Variants in NADK2 observed in about 807,000 individuals in gnomAD.
The protein encoded by NADK2 is NAD kinase 2, mitochondrial, also known as NAD kinase domain-containing protein 1, mitochondrial.
In NADK2, 35 loss-of-function variants were observed where a neutral mutation model predicts 62.1. That is an observed-to-expected ratio of 0.56 (90% CI 0.43 to 0.75). The LOEUF is 0.75. Ranked by LOEUF, NADK2 falls within the 30% of genes least tolerant of loss-of-function variation. The pLI is 0.00. For missense variants in NADK2, 439 were observed against 561.3 expected (o/e 0.78, Z 2.20); for synonymous variants, 205 against 207.9 (o/e 0.99, Z 0.12).
intron 4 of NADK2, among the ~76,000 whole-genome samples, chr5:36,222,693 G>C (rs1438410299): frequency 6.6e-6 from 1 of 152,192 alleles, no homozygotes; most frequent in Non-Finnish European, 1.5e-5. Flanking sequence ...AATGTGTAAA[G>C]GATGAGTTAG....
At position 36,241,706 on chromosome 5, in the gene NADK2, G is replaced by T. The variant is rs1748136420; in HGVS notation, c.93C>A (p.Pro31=). The T allele has an allele frequency of 1.8e-6, 2 of 1,133,580 alleles. No homozygotes were observed. The highest frequency in any genetic ancestry group is 5.0e-5 in the Admixed American group (1 of 20,172). The allele number at this position is 1,133,580 out of a possible 1,614,324, so 70.2% of individuals were successfully genotyped here. A position where few individuals can be genotyped will look rare whatever the true frequency, so the allele number is the denominator to read the frequency against. The change falls in exon 1 of 12, where the codon CCC becomes CCA. Residue 31 remains proline (P), a synonymous_variant. Coordinates refer to ENST00000381937, the MANE Select transcript of NADK2 (RefSeq NM_001085411.3). The surrounding 1 kb of genome is among the most constrained non-coding windows in gnomAD (Gnocchi z 4.9). ...CACCGCCCAGCCGGGGCCGCGCGGCGGGGCCTCCCGCACCCGGTCCCCGCA... is the reference window on the plus strand; with the variant it reads ...CACCGCCCAGCCGGGGCCGCGCGGCTGGGCCTCCCGCACCCGGTCCCCGCA... ...AALRGPGAGG[P]AARPRLGGDG... is the part of the protein sequence containing the mutation.
At chr5:36,234,184 C>T (rs1000132333) in intron 1 of NADK2, among the ~76,000 whole-genome samples, 3 of 151,528 alleles carry the variant, frequency 2.0e-5, no homozygotes, top group East Asian at 3.9e-4. Context: ...ACCATCCTGG[C>T]TAACACGGTG....
rs1380587885 is a variant in NADK2, at chr5:36,241,790, G to C, written c.9C>G (p.Cys3Trp). ...AGCTGCCCAGCAAGAAGCCTCGGTA[G>C]CAAGTCATCGTGGGCCGGGCCGCGG... MT[C>W]YRGFLLGSCC... Residue 3 changes from cysteine to tryptophan, a missense_variant, in exon 1 of 12, where the codon TGC (cysteine) becomes TGG (tryptophan). Physicochemically the swap from Cys to Trp is radical, Grantham distance 215. Transcript: ENST00000381937. The surrounding 1 kb of genome is among the most constrained non-coding windows in gnomAD (Gnocchi z 4.9). 1.5e-6 allele frequency: 2 copies of C among 1,339,294 alleles called. No homozygotes were observed. Among genetic ancestry groups the C allele is most frequent in the South Asian group, 1.7e-5 (1 of 58,840 alleles). 83.0% of individuals were successfully genotyped at this position (1,339,294 alleles called of 1,614,324 possible).
At chr5:36,215,831 T>C (rs997535833) in intron 6 of NADK2, among the ~76,000 whole-genome samples, 1 of 152,178 alleles carries the variant, frequency 6.6e-6, no homozygotes, top group Non-Finnish European at 1.5e-5. Flanking sequence ...ACATTTTCCA[T>C]ATTCATTTAT....
Position 36,241,810 on chromosome 5 carries a change from C to A in NADK2, c.-12G>T. ...CGGTAGCAAGTCATCGTGGGCCGGG[C>A]CGCGGCCGCGGGCTTGGGCTCGGGC... is the stretch of plus-strand genomic sequence containing the variant. On this transcript the variant is annotated 5_prime_UTR_variant, in exon 1 of 12. Coordinates refer to ENST00000381937, the MANE Select transcript of NADK2 (RefSeq NM_001085411.3). This position sits in a 1 kb window ranked among gnomAD's most constrained non-coding sequence, Gnocchi z 4.9. The A allele has an allele frequency of 7.6e-7, 1 of 1,309,622 alleles. No individual in the cohort carries two copies. The highest frequency in any genetic ancestry group is 9.7e-7 in the Non-Finnish European group (1 of 1,030,360). 81.1% of individuals were successfully genotyped at this position (1,309,622 alleles called of 1,614,324 possible). A position where few individuals can be genotyped will look rare whatever the true frequency, so the allele number is the denominator to read the frequency against.
At chr5:36,219,360 G>A (rs1747166125) in intron 5 of NADK2, among the ~76,000 whole-genome samples, 2 of 152,082 alleles carry the variant, frequency 1.3e-5, no homozygotes, top group South Asian at 4.1e-4. Context: ...ACAGGTGCTT[G>A]CCACCATGCC....
intron 3 of NADK2, 73 bp from the exon 4 acceptor site, chr5:36,225,696 A>G: frequency 7.0e-7 from 1 of 1,419,306 alleles, no homozygotes. Context: ...CCATTTTGAA[A>G]ATCAGTAGTT....
chr5:36,215,219 T>C (rs1746997990), intron 6 of NADK2, among the ~76,000 whole-genome samples: 1 of 152,128 alleles, frequency 6.6e-6, no homozygotes, highest in South Asian at 2.1e-4. Flanking sequence ...TGTAGAACAT[T>C]TTACCATTAA....
rs1459003581 is a variant in NADK2 at position 36,205,887 on chromosome 5, C to T, written c.956+1283G>A. ...TATTCACAATAGCAAAGACTTGGAA[C>T]CAACCCAATTGTCCACCAATAACAG... On this transcript the variant is annotated intron_variant, in intron 8 of 11. Coordinates refer to ENST00000381937, the MANE Select transcript of NADK2 (RefSeq NM_001085411.3). The surrounding 1 kb of genome is among the most constrained non-coding windows in gnomAD (Gnocchi z 4.1). Among the ~76,000 whole-genome samples, 1 of 152,070 alleles carries T rather than the reference C, an allele frequency of 6.6e-6. No individual in the cohort carries two copies. Among genetic ancestry groups the T allele is most frequent in the Non-Finnish European group, 1.5e-5 (1 of 68,032 alleles).
intron 6 of NADK2, among the ~76,000 whole-genome samples, chr5:36,213,508 G>A (rs1225217565): frequency 6.6e-6 from 1 of 150,594 alleles, no homozygotes; most frequent in African/African-American, 2.4e-5. Context: ...AATATAACAA[G>A]TTGATATTAC....
At position 36,241,159 on chromosome 5, in the gene NADK2, G is replaced by A. The variant is rs950133335; in HGVS notation, c.300+340C>T. Reference sequence around the variant, plus strand: ...GGTCCCAACCAGGGAACGAGGGCGGGGGCGGCGAGGGCACCAACGAATCCT... The same window carrying A: ...GGTCCCAACCAGGGAACGAGGGCGGAGGCGGCGAGGGCACCAACGAATCCT... On this transcript the variant is annotated intron_variant, in intron 1 of 11. Transcript: ENST00000381937. This position sits in a 1 kb window ranked among gnomAD's most constrained non-coding sequence, Gnocchi z 4.9. Among the ~76,000 whole-genome samples the A allele has an allele frequency of 7.2e-5, 11 of 152,184 alleles. No homozygotes were observed. The highest frequency in any genetic ancestry group is 1.2e-4 in the Non-Finnish European group (8 of 68,026).
chr5:36,207,099 A>AG, intron 8 of NADK2, 71 bp downstream of exon 8: 1 of 1,278,162 alleles, frequency 7.8e-7, no homozygotes, highest in Middle Eastern at 1.9e-4. Flanking sequence ...TACAGGCCTT[A>AG]GATGGGCCAA....
chr5:36,204,569 TTAATC>T lies in NADK2; in HGVS notation c.956+2596_956+2600del, dbSNP rs568247927. Among the ~76,000 whole-genome samples, 30 of 152,246 alleles carry T rather than the reference TTAATC, an allele frequency of 2.0e-4. 1 individual carries two copies. The South Asian group carries it at 6.2e-3, about 32-fold the overall frequency. On this transcript the variant is annotated intron_variant, in intron 8 of 11. Coordinates refer to ENST00000381937, the MANE Select transcript of NADK2 (RefSeq NM_001085411.3). ...AGCTGTTAACTGTAATGTTTTCAAT[TTAATC>T]TATAAGATGGTTACAAAATAATTTT... is the stretch of plus-strand genomic sequence containing the variant.
intron 1 of NADK2, among the ~76,000 whole-genome samples, chr5:36,234,978 G>C (rs1747848634): frequency 1.3e-5 from 2 of 152,124 alleles, no homozygotes; most frequent in African/African-American, 4.8e-5. Flanking sequence ...TTTGGAAACT[G>C]TTTACTAATC....
Position 36,195,270 on chromosome 5 carries a change from A to G in NADK2, c.1203T>C (p.Arg401=). The change falls in exon 12 of 12, where the codon CGT becomes CGC. Residue 401 remains arginine, a synonymous_variant. Coordinates refer to ENST00000381937, the MANE Select transcript of NADK2 (RefSeq NM_001085411.3). ...CCATACAGGCATCCCAACAACGAGA[A>G]CGAACACAAACCCTAGGCAGAAGGA... is the stretch of plus-strand genomic sequence containing the variant. ...QRCFSSKVCV[R]SRCWDACMVV... 6.2e-6 allele frequency: 10 copies of G among 1,610,378 alleles called. No homozygotes were observed. Among genetic ancestry groups the G allele is most frequent in the Non-Finnish European group, 8.5e-6 (10 of 1,178,660 alleles).
intron 1 of NADK2, among the ~76,000 whole-genome samples, chr5:36,237,348 A>G (rs1454191278): frequency 1.3e-5 from 2 of 152,148 alleles, no homozygotes; most frequent in East Asian, 1.9e-4. Context: ...CTAAAAAAAA[A>G]GGCACATAAT....
intron 1 of NADK2, among the ~76,000 whole-genome samples, chr5:36,237,303 T>C (rs542411372): frequency 2.6e-5 from 4 of 152,258 alleles, no homozygotes; most frequent in South Asian, 2.1e-4. Flanking sequence ...AGAATGGGAA[T>C]GTTCTTTATG....
intron 11 of NADK2, among the ~76,000 whole-genome samples, chr5:36,195,893 A>G (rs1052719472): frequency 2.6e-5 from 4 of 152,370 alleles, no homozygotes; most frequent in African/African-American, 9.6e-5. Context: ...TAAATGGAAG[A>G]ATATAATATG....
intron 6 of NADK2, among the ~76,000 whole-genome samples, chr5:36,217,440 CT>C (rs543507795): frequency 4.7e-4 from 69 of 148,148 alleles, no homozygotes; most frequent in South Asian, 1.5e-3. Flanking sequence ...ATCTCTACTG[CT>C]TTTTTTTTTG....
Sources: gnomAD v4.1 joint callset for allele counts (sites outside exome capture counted in the v4.1 genomes callset) on GRCh38, gnomAD v4.1.1 for gene constraint, Gnocchi (gnomAD v3.1) non-coding constraint, MANE v1.5 for transcripts, NCBI Gene and HGNC (gene_info 2026-07-23, HGNC 2026-07-21) for gene names.